Variants in SHLD2 observed in about 807,000 individuals in gnomAD.
SHLD2 encodes RINN1-REV7-interacting novel NHEJ regulator 2.
SHLD2 carries 30 observed loss-of-function variants against 73.2 expected under a neutral mutation model. The observed-to-expected ratio is 0.41, with a 90% CI of 0.31 to 0.56. SHLD2 has a LOEUF of 0.56. Ranked by LOEUF, SHLD2 falls within the 20% of genes least tolerant of loss-of-function variation. SHLD2 has a pLI of 0.28. For synonymous variants in SHLD2, 285 were observed against 370.1 expected (o/e 0.77, Z 2.64); for missense variants, 745 against 1,055.9 (o/e 0.71, Z 4.08).
intron 8 of SHLD2, among the ~76,000 whole-genome samples, chr10:87,182,784 G>T (rs1848393102): frequency 6.6e-6 from 1 of 151,336 alleles, no homozygotes; most frequent in Non-Finnish European, 1.5e-5. Context: ...GACTGGGGCT[G>T]GAGGATTCAT....
chr10:87,107,038 T>G (rs911551002), intron 2 of SHLD2, among the ~76,000 whole-genome samples: 5 of 143,268 alleles, frequency 3.5e-5, no homozygotes, highest in Non-Finnish European at 6.0e-5. Context: ...CGAAAACTAG[T>G]GAAGCACAGA....
At chr10:87,125,990 C>G (rs1346986738) in intron 2 of SHLD2, among the ~76,000 whole-genome samples, 1 of 152,144 alleles carries the variant, frequency 6.6e-6, no homozygotes, top group Non-Finnish European at 1.5e-5. Flanking sequence ...AAAATAATTT[C>G]TGTTATTGTG....
intron 2 of SHLD2, among the ~76,000 whole-genome samples, chr10:87,124,624 T>C (rs895221219): frequency 1.3e-5 from 2 of 152,228 alleles, no homozygotes; most frequent in African/African-American, 4.8e-5. Flanking sequence ...CTGATGACCA[T>C]GTGTCTCTGC....
chr10:87,145,039 C>T (rs1845501973), intron 2 of SHLD2, among the ~76,000 whole-genome samples: 7 of 145,356 alleles, frequency 4.8e-5, no homozygotes, highest in Non-Finnish European at 1.5e-5. Context: ...CTCCCGGGTT[C>T]ACGCCATTCT....
chr10:87,120,065 C>T (rs1843501348), intron 2 of SHLD2, among the ~76,000 whole-genome samples: 1 of 151,786 alleles, frequency 6.6e-6, no homozygotes, highest in Admixed American at 6.6e-5. Context: ...CCCTAGTAAG[C>T]ACTAGTGATA....
At chr10:87,136,767 A>G (rs976842290) in intron 2 of SHLD2, among the ~76,000 whole-genome samples, 1 of 152,098 alleles carries the variant, frequency 6.6e-6, no homozygotes, top group African/African-American at 2.4e-5. Context: ...GCATACATGT[A>G]AGGTACTCCC....
At chr10:87,183,604 TAA>T (rs932691803) in intron 8 of SHLD2, among the ~76,000 whole-genome samples, 1 of 152,214 alleles carries the variant, frequency 6.6e-6, no homozygotes, top group Admixed American at 6.5e-5. Flanking sequence ...CAAACTTTGT[TAA>T]AGAGTTTTAA....
intron 8 of SHLD2, among the ~76,000 whole-genome samples, chr10:87,183,128 T>G (rs1848413653): frequency 6.6e-6 from 1 of 152,168 alleles, no homozygotes. Flanking sequence ...GTGGTAGGAA[T>G]AAAAAGAAGT....
intron 7 of SHLD2, among the ~76,000 whole-genome samples, chr10:87,178,235 CAAAAA>C (rs71019476): frequency 1.9e-4 from 6 of 31,024 alleles, no homozygotes; most frequent in African/African-American, 3.8e-4. Flanking sequence ...TACTCTGTCT[CAAAAA>C]AAAAAAAAAA....
chr10:87,138,821 C>T, intron 2 of SHLD2, among the ~76,000 whole-genome samples: 1 of 152,100 alleles, frequency 6.6e-6, no homozygotes, highest in Non-Finnish European at 1.5e-5. Flanking sequence ...CATTGGACAA[C>T]AGGCAGCACA....
intron 8 of SHLD2, among the ~76,000 whole-genome samples, chr10:87,183,979 T>C (rs1848465601): frequency 6.6e-6 from 1 of 152,200 alleles, no homozygotes; most frequent in Non-Finnish European, 1.5e-5. Context: ...ACTTAACATC[T>C]TCACCCTGAT....
At chr10:87,161,321 G>A (rs1018539466) in intron 4 of SHLD2, among the ~76,000 whole-genome samples, 3 of 152,118 alleles carry the variant, frequency 2.0e-5, no homozygotes, top group Non-Finnish European at 4.4e-5. Context: ...CCCACCTGTG[G>A]TCCCAGCTGT....
chr10:87,179,345 G>T (rs1007483646), intron 7 of SHLD2, among the ~76,000 whole-genome samples: 4 of 151,582 alleles, frequency 2.6e-5, no homozygotes, highest in Admixed American at 2.0e-4. Flanking sequence ...AAGTTTAAAA[G>T]AGAACAGGCT....
At chr10:87,121,762 CTTTTT>C in intron 2 of SHLD2, among the ~76,000 whole-genome samples, 1 of 130,968 alleles carries the variant, frequency 7.6e-6, no homozygotes, top group Admixed American at 7.9e-5. Context: ...TTCTTTCTTT[CTTTTT>C]TTTTTTTTTT....
chr10:87,188,927 TA>T (rs1336514347), intron 9 of SHLD2, among the ~76,000 whole-genome samples: 1 of 152,154 alleles, frequency 6.6e-6, no homozygotes, highest in Non-Finnish European at 1.5e-5. Context: ...CCATTTTCTT[TA>T]TTTCATTTTT....
intron 2 of SHLD2, among the ~76,000 whole-genome samples, chr10:87,127,045 T>A (rs1431053828): frequency 1.3e-5 from 2 of 152,166 alleles, no homozygotes; most frequent in Non-Finnish European, 2.9e-5. Flanking sequence ...TGGTTGAAAG[T>A]CATCTGACAC....
chr10:87,128,725 T>C (rs2134136221), intron 2 of SHLD2, among the ~76,000 whole-genome samples: 1 of 152,330 alleles, frequency 6.6e-6, no homozygotes, highest in Middle Eastern at 3.4e-3. Flanking sequence ...TTGTTAGCTA[T>C]TTCCCTCTTC....
chr10:87,127,536 C>CG (rs1564587155), intron 2 of SHLD2, among the ~76,000 whole-genome samples: 11 of 65,256 alleles, frequency 1.7e-4, no homozygotes, highest in Admixed American at 3.3e-4. Context: ...CCCGCCCCCC[C>CG]CCACCCCGTC....
At position 87,101,454 on chromosome 10, in the gene SHLD2, T is replaced by C. The variant is rs145319623; in HGVS notation, c.-6+4465T>C. Among the ~76,000 whole-genome samples, 774 of 152,314 alleles carry C rather than the reference T, an allele frequency of 5.1e-3. 2 individuals are homozygous for C. Among genetic ancestry groups the C allele is most frequent in the Admixed American group, 7.7e-3 (117 of 15,284 alleles). On this transcript the variant is annotated intron_variant, in intron 2 of 9. Coordinates refer to ENST00000298786, the MANE Select transcript of SHLD2 (RefSeq NM_001330112.2). ...AATATTTATTTATTAAGAGATAGGG[T>C]CTTACTGTGTGGCCCAGTATGGCCT...
Sources: allele counts gnomAD v4.1 joint callset (sites outside exome capture counted in the v4.1 genomes callset), GRCh38; gene constraint gnomAD v4.1.1; transcripts MANE v1.5; gene names NCBI Gene and HGNC (gene_info 2026-07-23, HGNC 2026-07-21).